Variants in DMD observed in about 807,000 individuals in gnomAD.
The protein encoded by DMD is dystrophin, also known as mutant dystrophin.
A neutral mutation model predicts 330.1 loss-of-function variants in DMD; 63 were observed. The observed-to-expected ratio is 0.19, with a 90% CI of 0.16 to 0.24. The LOEUF (loss-of-function observed/expected upper bound fraction) is 0.24, where lower values mean the gene tolerates loss of function less well. DMD is among the 10% of genes least tolerant of loss of function. DMD has a pLI of 1.00. For missense variants in DMD, 3,344 were observed against 2,684.1 expected (o/e 1.25, Z -5.43); for synonymous variants, 1,223 against 959.8 (o/e 1.27, Z -5.07).
At chrX:32,783,149 C>T in intron 7 of DMD, among the ~76,000 whole-genome samples, 1 of 93,096 alleles carries the variant, frequency 1.1e-5, no homozygotes, top group African/African-American at 3.9e-5. Flanking sequence ...ATATATATAC[C>T]ATATATATAG....
chrX:32,555,400 T>C (rs2050187769), intron 16 of DMD, among the ~76,000 whole-genome samples: 2 of 111,569 alleles, frequency 1.8e-5, no homozygotes, highest in Non-Finnish European at 3.8e-5. Context: ...ATGCCATCTC[T>C]CACCACTCCT....
chrX:32,782,051 A>C (rs1569520026), intron 7 of DMD, among the ~76,000 whole-genome samples: 1 of 111,864 alleles, frequency 8.9e-6, no homozygotes, highest in Non-Finnish European at 1.9e-5. Flanking sequence ...TAAATATGAA[A>C]TAGTAACATG....
intron 44 of DMD, among the ~76,000 whole-genome samples, chrX:32,156,150 G>A (rs1478043917): frequency 8.9e-6 from 1 of 112,400 alleles, no homozygotes; most frequent in Non-Finnish European, 1.9e-5. Context: ...GGGAGGCTGA[G>A]GCAGATGGAT....
intron 6 of DMD, among the ~76,000 whole-genome samples, chrX:32,816,186 G>C (rs1459169620): frequency 9.0e-6 from 1 of 111,235 alleles, no homozygotes; most frequent in Non-Finnish European, 1.9e-5. Flanking sequence ...GGATTTACTG[G>C]GATTCCCAGT....
At chrX:32,080,430 G>A (rs1444796400) in intron 44 of DMD, among the ~76,000 whole-genome samples, 1 of 112,318 alleles carries the variant, frequency 8.9e-6, no homozygotes, top group Non-Finnish European at 1.9e-5. Context: ...AATTAAAAAT[G>A]GATGGATTTT....
intron 44 of DMD, among the ~76,000 whole-genome samples, chrX:32,020,258 C>T (rs1465676143): frequency 2.7e-5 from 3 of 112,527 alleles, no homozygotes; most frequent in Non-Finnish European, 5.6e-5. Flanking sequence ...CATGCTGGGC[C>T]GGCCCAACAA....
chrX:32,352,925 T>G (rs2097786669), intron 37 of DMD, among the ~76,000 whole-genome samples: 1 of 110,874 alleles, frequency 9.0e-6, no homozygotes, highest in South Asian at 3.7e-4. Context: ...CTAAATAAAT[T>G]TTCCATCCTT....
At chrX:31,487,070 T>C (rs145580130) in intron 57 of DMD, among the ~76,000 whole-genome samples, 1,928 of 111,329 alleles carry the variant, frequency 0.017, 46 homozygotes, top group African/African-American at 0.059. Flanking sequence ...TAGGGGTTCA[T>C]GGAAGAAAAA....
At chrX:32,068,246 G>T (rs917700984) in intron 44 of DMD, among the ~76,000 whole-genome samples, 5 of 110,959 alleles carry the variant, frequency 4.5e-5, no homozygotes, top group Admixed American at 9.6e-5. Context: ...CATAGATTCT[G>T]GATATTACAC....
chrX:32,442,651 G>A (rs2098286105), intron 27 of DMD, among the ~76,000 whole-genome samples: 3 of 110,667 alleles, frequency 2.7e-5, no homozygotes, highest in African/African-American at 9.8e-5. Flanking sequence ...TTTGATATGT[G>A]CATCCTCAGA....
At chrX:32,882,855 G>A (rs189997111) in intron 2 of DMD, among the ~76,000 whole-genome samples, 57 of 112,164 alleles carry the variant, frequency 5.1e-4, no homozygotes, top group Non-Finnish European at 9.2e-4. Context: ...TAAATACTGC[G>A]TAGTCACCTC....
intron 2 of DMD, among the ~76,000 whole-genome samples, chrX:33,018,934 T>C (rs1273426510): frequency 8.9e-6 from 1 of 112,152 alleles, no homozygotes; most frequent in Non-Finnish European, 1.9e-5. Flanking sequence ...AAAATACATG[T>C]TTCTGTTTAC....
chrX:31,173,857 A>G (rs1169715697), intron 71 of DMD, among the ~76,000 whole-genome samples: 1 of 111,985 alleles, frequency 8.9e-6, no homozygotes, highest in African/African-American at 3.2e-5. Flanking sequence ...GAAAATTCCC[A>G]TCGTAGAAAA....
intron 17 of DMD, among the ~76,000 whole-genome samples, chrX:32,528,439 GCTTTA>G (rs1270791860): frequency 8.9e-6 from 1 of 111,733 alleles, no homozygotes; most frequent in East Asian, 2.8e-4. Flanking sequence ...GCGACTTCTT[GCTTTA>G]AATTGTAAAA....
At chrX:32,177,668 T>C (rs975982296) in intron 44 of DMD, among the ~76,000 whole-genome samples, 2 of 110,857 alleles carry the variant, frequency 1.8e-5, no homozygotes, top group African/African-American at 6.6e-5. Context: ...AGATTCATCA[T>C]GGTTGATTAC....
intron 44 of DMD, among the ~76,000 whole-genome samples, chrX:32,021,764 T>C (rs770562179): frequency 8.9e-6 from 1 of 112,293 alleles, no homozygotes; most frequent in East Asian, 2.8e-4. Flanking sequence ...AAATAAAGTA[T>C]CCTATTACAT....
At chrX:32,765,096 T>C (rs150725344) in intron 7 of DMD, among the ~76,000 whole-genome samples, 1,611 of 110,640 alleles carry the variant, frequency 0.015, 24 homozygotes, top group African/African-American at 0.049. Flanking sequence ...GGCCAAACTT[T>C]AGAGAAATTT....
intron 44 of DMD, among the ~76,000 whole-genome samples, chrX:32,085,673 C>CATAT (rs58729322): frequency 2.9e-4 from 13 of 44,253 alleles, no homozygotes; most frequent in Admixed American, 5.8e-4. Flanking sequence ...CGTATATATA[C>CATAT]ACACGCGTAT....
At chrX:32,347,158 T>C (rs1373848611) in intron 38 of DMD, among the ~76,000 whole-genome samples, 1 of 111,529 alleles carries the variant, frequency 9.0e-6, no homozygotes, top group African/African-American at 3.3e-5. Flanking sequence ...TAAAGAAACA[T>C]ACGGCATAAT....
Sources: allele counts gnomAD v4.1 joint callset (sites outside exome capture counted in the v4.1 genomes callset), GRCh38; gene constraint gnomAD v4.1.1; transcripts MANE v1.5; gene names NCBI Gene and HGNC (gene_info 2026-07-23, HGNC 2026-07-21).